Variants in LRP2BP observed in about 807,000 individuals in gnomAD.
LRP2BP encodes LRP2-binding protein.
Under a neutral mutation model 45.2 loss-of-function variants are expected in LRP2BP, and 38 were observed. The ratio of observed to expected loss-of-function variants is 0.84; its 90% CI spans 0.65 to 1.10. The LOEUF is 1.10. Ranked by LOEUF, LRP2BP falls within the 50% of genes least tolerant of loss-of-function variation. The probability of loss-of-function intolerance (pLI) is 0.00; values close to 1 mark genes in which losing one functional copy is unlikely to be tolerated. For missense variants in LRP2BP, 385 were observed against 418.9 expected (o/e 0.92, Z 0.71); for synonymous variants, 153 against 153.9 (o/e 0.99, Z 0.04).
At chr4:185,378,894 C>A in intron 1 of LRP2BP, 6 of 985,384 alleles carry the variant, frequency 6.1e-6, no homozygotes, top group Non-Finnish European at 7.2e-6. Flanking sequence ...TTTCACCAAT[C>A]AGAAACAAGC....
At chr4:185,396,793 C>CCCGG (rs2095504526), upstream of LRP2BP, 19 of 1,008,784 alleles carry the variant, frequency 1.9e-5, no homozygotes, top group South Asian at 2.6e-4. Context: ...CAAGGGCCGG[C>CCCGG]CCGGAAGTCC....
chr4:185,387,837 T>C (rs975442182), intron 1 of LRP2BP, among the ~76,000 whole-genome samples: 5 of 152,130 alleles, frequency 3.3e-5, no homozygotes, highest in Admixed American at 6.5e-5. Flanking sequence ...CCCCGGGCCT[T>C]CTCCCACGTC....
At chr4:185,387,208 G>A (rs1445468828) in intron 1 of LRP2BP, among the ~76,000 whole-genome samples, 1 of 152,082 alleles carries the variant, frequency 6.6e-6, no homozygotes, top group Non-Finnish European at 1.5e-5. Flanking sequence ...ACTGCAGCCT[G>A]GGTGACAGAG....
chr4:185,393,705 T>A (rs1228516113), intron 1 of LRP2BP, among the ~76,000 whole-genome samples: 1 of 151,984 alleles, frequency 6.6e-6, no homozygotes, highest in African/African-American at 2.4e-5. Context: ...TTTCTATTTT[T>A]AGTAGAGACG....
intron 1 of LRP2BP, among the ~76,000 whole-genome samples, chr4:185,389,628 AAC>A (rs1179654578): frequency 6.6e-6 from 1 of 152,228 alleles, no homozygotes; most frequent in African/African-American, 2.4e-5. Context: ...ACTAAAAAAA[AAC>A]AACTGAGTTT....
upstream of LRP2BP, chr4:185,396,834 C>T: frequency 1.4e-6 from 2 of 1,403,432 alleles, no homozygotes; most frequent in Non-Finnish European, 2.0e-6. Context: ...CGTGCTAGGG[C>T]CAGCCTGCGC....
At chr4:185,379,128 CCTCAT>C (rs2095447793) in intron 1 of LRP2BP, 1 of 280,810 alleles carries the variant, frequency 3.6e-6, no homozygotes, top group Non-Finnish European at 5.4e-6. Context: ...GAGTCAATTT[CCTCAT>C]CTTTAAGTTG....
Position 185,395,048 on chromosome 4 carries a change from G to C in LRP2BP, c.-291C>G. ...GCTTTGTTCAGTTTATAGTTTCTAG[G>C]CCCATTACTAAAGTCAAGTCAGATA... On this transcript the variant is annotated 5_prime_UTR_variant, in exon 1 of 9. Coordinates refer to ENST00000505916, the MANE Select transcript of LRP2BP (RefSeq NM_001377440.1). The C allele has an allele frequency of 1.0e-6, 1 of 985,126 alleles. No individual in the cohort carries two copies. Among genetic ancestry groups the C allele is most frequent in the Non-Finnish European group, 1.2e-6 (1 of 829,904 alleles). 61.0% of individuals were successfully genotyped at this position (985,126 alleles called of 1,614,324 possible). A position where few individuals can be genotyped will look rare whatever the true frequency, so the allele number is the denominator to read the frequency against.
At chr4:185,376,789 C>T (rs960364956) in intron 3 of LRP2BP, 120 bp downstream of exon 3, 7 of 667,910 alleles carry the variant, frequency 1.0e-5, no homozygotes, top group South Asian at 1.9e-5. Context: ...CAGCCATAGT[C>T]GATGTAATTG....
At chr4:185,393,793 T>G (rs986473328) in intron 1 of LRP2BP, among the ~76,000 whole-genome samples, 2 of 152,162 alleles carry the variant, frequency 1.3e-5, no homozygotes, top group African/African-American at 2.4e-5. Context: ...CCCAAAGTGC[T>G]GGGATTACAG....
intron 3 of LRP2BP, 88 bp downstream of exon 3, chr4:185,376,821 C>T (rs1331945030): frequency 3.5e-6 from 3 of 866,994 alleles, no homozygotes; most frequent in Non-Finnish European, 5.6e-6. Context: ...CCTAGTATAA[C>T]ACAGTAAGAA....
At chr4:185,394,416 G>C (rs2095496517) in intron 1 of LRP2BP, among the ~76,000 whole-genome samples, 1 of 152,150 alleles carries the variant, frequency 6.6e-6, no homozygotes, top group Non-Finnish European at 1.5e-5. Context: ...TGATTTACCT[G>C]CTAATAATTA....
intron 1 of LRP2BP, among the ~76,000 whole-genome samples, chr4:185,379,830 CT>C (rs1438630362): frequency 1.3e-5 from 2 of 152,104 alleles, no homozygotes; most frequent in African/African-American, 4.8e-5. Context: ...CTCTCTCTCT[CT>C]CTCTGAGACA....
At chr4:185,385,905 A>AAGG (rs1554020214) in intron 1 of LRP2BP, among the ~76,000 whole-genome samples, 1 of 34,894 alleles carries the variant, frequency 2.9e-5, no homozygotes, top group South Asian at 1.1e-3. Context: ...TGTCTCGGGG[A>AAGG]GGGGGGGGGG....
At chr4:185,373,386 A>C (rs1402349988) in intron 6 of LRP2BP, among the ~76,000 whole-genome samples, 1 of 152,116 alleles carries the variant, frequency 6.6e-6, no homozygotes, top group Non-Finnish European at 1.5e-5. Flanking sequence ...GAAGATGCCA[A>C]ATAGGAACTC....
rs1233368660 is a variant in LRP2BP, at chr4:185,395,822, C to A, written c.-1065G>T. ...ATTTATTTCTCCGAGCTTTCAAAGG[C>A]ATCAACAGAAGGGAATCACTAAAAA... On this transcript the variant is annotated 5_prime_UTR_variant, in exon 1 of 9. It removes an upstream start codon present in the reference 5' UTR. Transcript: ENST00000505916. 2.0e-6 allele frequency: 2 copies of A among 985,288 alleles called. No homozygotes were observed. Among genetic ancestry groups the A allele is most frequent in the Non-Finnish European group, 2.4e-6 (2 of 829,916 alleles). 61.0% of individuals were successfully genotyped at this position (985,288 alleles called of 1,614,324 possible). A position where few individuals can be genotyped will look rare whatever the true frequency, so the allele number is the denominator to read the frequency against.
chr4:185,386,118 G>A (rs1228996799), intron 1 of LRP2BP, among the ~76,000 whole-genome samples: 1 of 152,190 alleles, frequency 6.6e-6, no homozygotes, highest in Non-Finnish European at 1.5e-5. Context: ...CCATTATTAT[G>A]CAGTCACATT....
chr4:185,370,805 G>A lies in LRP2BP; in HGVS notation c.813C>T (p.Asp271=). The A allele has an allele frequency of 2.5e-6, 4 of 1,614,104 alleles. No homozygotes were observed. Among genetic ancestry groups the A allele is most frequent in the Non-Finnish European group, 3.4e-6 (4 of 1,180,006 alleles). Residue 271 remains aspartate, a synonymous_variant, in exon 8 of 9, where the codon GAC becomes GAT. Transcript: ENST00000505916. ...KCVAFSKRIA[D]YDEVHDIPMI... ...TGGGGATGTCGTGAACCTCATCATA[G>A]TCAGCGATCCTGAGAGGATGTAGAG... is the stretch of plus-strand genomic sequence containing the variant.
At position 185,395,506 on chromosome 4, in the gene LRP2BP, T is replaced by C. The variant is rs2095499529; in HGVS notation, c.-749A>G. On this transcript the variant is annotated 5_prime_UTR_variant, in exon 1 of 9. In the 5' UTR this introduces an upstream ATG that the reference lacks. Transcript: ENST00000505916. ...GCTCACCTCACAAATCTGACAACAG[T>C]ATCTCTACACTGCCGTTCTTTAAAC... The C allele has an allele frequency of 1.0e-6, 1 of 985,298 alleles. No individual in the cohort carries two copies. Among genetic ancestry groups the C allele is most frequent in the Non-Finnish European group, 1.2e-6 (1 of 829,774 alleles). The allele number at this position is 985,298 out of a possible 1,614,324, so 61.0% of individuals were successfully genotyped here. A position where few individuals can be genotyped will look rare whatever the true frequency, so the allele number is the denominator to read the frequency against.
Sources: allele counts gnomAD v4.1 joint callset (sites outside exome capture counted in the v4.1 genomes callset), GRCh38; gene constraint gnomAD v4.1.1; transcripts MANE v1.5; gene names NCBI Gene and HGNC (gene_info 2026-07-23, HGNC 2026-07-21).